The following DRC7 variants were observed in gnomAD, a reference collection of about 807,000 sequenced individuals.
DRC7 encodes the protein dynein regulatory complex subunit 7, also known as coiled-coil domain containing 135.
A neutral mutation model predicts 104.4 loss-of-function variants in DRC7; 80 were observed. The ratio of observed to expected loss-of-function variants is 0.77; its 90% CI spans 0.64 to 0.92. The LOEUF (loss-of-function observed/expected upper bound fraction) is 0.92, where lower values mean the gene tolerates loss of function less well. Among genes scored for constraint, DRC7 ranks in the 40% least tolerant of loss-of-function variants. DRC7 has a pLI of 0.00. For missense variants in DRC7, 1,034 were observed against 1,141.1 expected (o/e 0.91, Z 1.35); for synonymous variants, 405 against 447.3 (o/e 0.91, Z 1.19).
Position 57,718,427 on chromosome 16 carries a change from T to G in DRC7, c.1158T>G (p.Thr386=). The G allele has an allele frequency of 6.2e-7, 1 of 1,614,126 alleles. No individual in the cohort carries two copies. Among genetic ancestry groups the G allele is most frequent in the Non-Finnish European group, 8.5e-7 (1 of 1,179,986 alleles). ...LGTDKSQLSL[T]EEDDSGINDE... ...CTGATAAGTCTCAGCTGTCCTTGAC[T>G]GAAGAAGACGACAGTGGGATAAACG... Residue 386 remains threonine, a synonymous_variant, in exon 9 of 19, where the codon ACT becomes ACG. Transcript: ENST00000360716.
chr16:57,711,077 C>A lies in DRC7; in HGVS notation c.1077+3399C>A, dbSNP rs187550765. ...TGGCATGATTTCCTTTGTACGTTTG[C>A]TGGACTTCACAAGTGAAGCCATCTG... is the stretch of plus-strand genomic sequence containing the variant. On this transcript the variant is annotated intron_variant, in intron 8 of 18. Coordinates refer to ENST00000360716, the MANE Select transcript of DRC7 (RefSeq NM_001289162.2). Among the ~76,000 whole-genome samples the A allele has an allele frequency of 3.9e-5, 6 of 152,260 alleles. No individual in the cohort carries two copies. In the East Asian group the frequency reaches 1.2e-3, roughly 29 times the overall value.
intron 8 of DRC7, among the ~76,000 whole-genome samples, chr16:57,717,556 AG>A (rs1333183178): frequency 2.0e-5 from 3 of 151,908 alleles, no homozygotes; most frequent in Admixed American, 6.6e-5. Context: ...AAAATGAGCC[AG>A]GCATGGTGGC....
chr16:57,725,821 T>G, intron 13 of DRC7: 2 of 500,884 alleles, frequency 4.0e-6, no homozygotes, highest in Non-Finnish European at 7.2e-6. Flanking sequence ...CCCCATCTCT[T>G]GAGGTAGGCA....
chr16:57,714,071 G>A lies in DRC7; in HGVS notation c.1078-4276G>A, dbSNP rs576704554. Reference sequence around the variant, plus strand: ...AAAGCTGTCTCATCTTCCTTTGACCGAGTTATCATGGAGATAACTCAAGTG... The same window carrying A: ...AAAGCTGTCTCATCTTCCTTTGACCAAGTTATCATGGAGATAACTCAAGTG... On this transcript the variant is annotated intron_variant, in intron 8 of 18. Transcript: ENST00000360716. 3.5e-4 allele frequency: 73 copies of A among 210,290 alleles called. 2 individuals carry two copies. In the South Asian group the frequency reaches 5.1e-3, roughly 15 times the overall value. The allele number at this position is 210,290 out of a possible 1,614,324, so 13.0% of individuals were successfully genotyped here.
At position 57,726,116 on chromosome 16, in the gene DRC7, G is replaced by C. The variant is rs754948318; in HGVS notation, c.1807G>C (p.Asp603His). ...FRNPAKPAEE[D>H]VAERVFLVAE... ...CAACCCAGCGAAGCCCGCGGAGGAG[G>C]ACGTGGCAGAGCGCGTGTTTCTGGT... The change falls in exon 14 of 19, where the codon GAC (aspartate) becomes CAC (histidine). Residue 603 changes from aspartate (D) to histidine (H), a missense_variant. Asp to His is a moderately conservative substitution (Grantham distance 81). Coordinates refer to ENST00000360716, the MANE Select transcript of DRC7 (RefSeq NM_001289162.2). 1.1e-5 allele frequency: 17 copies of C among 1,613,214 alleles called. No individual in the cohort carries two copies. The highest frequency in any genetic ancestry group is 1.4e-5 in the Non-Finnish European group (17 of 1,180,036).
At chr16:57,728,335 T>TG in intron 16 of DRC7, 55 bp from the exon 17 acceptor site, 1 of 1,473,270 alleles carries the variant, frequency 6.8e-7, no homozygotes, top group South Asian at 1.3e-5. Context: ...GCAGAGCTGG[T>TG]GGAGAGGTCT....
chr16:57,723,789 A>AT (rs34976140), intron 12 of DRC7, among the ~76,000 whole-genome samples: 16 of 150,252 alleles, frequency 1.1e-4, no homozygotes, highest in South Asian at 8.4e-4. Context: ...AGTAATATAC[A>AT]TTTTTTTTAA....
At position 57,718,026 on chromosome 16, in the gene DRC7, C is replaced by A. The variant is rs116009053; in HGVS notation, c.1078-321C>A. 4.0e-3 allele frequency among the ~76,000 whole-genome samples: 604 copies of A among 152,330 alleles called. 8 individuals are homozygous for A. Among genetic ancestry groups the A allele is most frequent in the African/African-American group, 0.013 (557 of 41,578 alleles). ...GGCTCTAAGCACTGCCCAGCCGATG[C>A]GGAAAGACCTGCACATCCAGGTCTA... On this transcript the variant is annotated intron_variant, in intron 8 of 18. Coordinates refer to ENST00000360716, the MANE Select transcript of DRC7 (RefSeq NM_001289162.2).
At position 57,727,369 on chromosome 16, in the gene DRC7, C is replaced by A. The variant is rs140762606; in HGVS notation, c.2156C>A (p.Thr719Asn). Residue 719 changes from threonine to asparagine, a missense_variant, in exon 16 of 19, where the codon ACC (threonine) becomes AAC (asparagine). Physicochemically the swap from Thr to Asn is moderately conservative, Grantham distance 65. Coordinates refer to ENST00000360716, the MANE Select transcript of DRC7 (RefSeq NM_001289162.2). Reference sequence around the variant, plus strand: ...ACACTGACCATCTCCATCTATGACACCAAGCGGAATGAGAAGAGCAAGGAA... The same window carrying A: ...ACACTGACCATCTCCATCTATGACAACAAGCGGAATGAGAAGAGCAAGGAA... ...AHTLTISIYD[T>N]KRNEKSKEYR... 1,229 of 1,613,432 alleles carry A rather than the reference C, an allele frequency of 7.6e-4. 4 individuals are homozygous for A. The Middle Eastern group carries it at 0.017, about 22-fold the overall frequency.
chr16:57,706,749 C>T (rs542805810), intron 7 of DRC7, among the ~76,000 whole-genome samples: 4 of 145,874 alleles, frequency 2.7e-5, no homozygotes, highest in African/African-American at 1.0e-4. Flanking sequence ...ACCCTCCTAC[C>T]CACTGTTCTC....
intron 14 of DRC7, 105 bp from the exon 15 acceptor site, chr16:57,726,727 C>T (rs1294445337): frequency 7.6e-6 from 5 of 656,284 alleles, no homozygotes; most frequent in East Asian, 2.8e-5. Context: ...GCAACTTGCT[C>T]GAGGTCACAC....
intron 16 of DRC7, 104 bp downstream of exon 16, chr16:57,727,513 G>T (rs1295709164): frequency 1.3e-6 from 1 of 792,784 alleles, no homozygotes; most frequent in Admixed American, 2.0e-5. Flanking sequence ...CTCTGTGGGG[G>T]ATACGGTTAT....
intron 8 of DRC7, chr16:57,714,847 C>A (rs7201144): frequency 0.068 from 15,581 of 229,890 alleles, 1,142 homozygotes; most frequent in East Asian, 0.29. Flanking sequence ...TACTTGCATA[C>A]ATTGCTGGTG....
intron 10 of DRC7, 98 bp downstream of exon 10, chr16:57,721,837 T>C (rs1277580049): frequency 2.4e-6 from 2 of 830,650 alleles, no homozygotes; most frequent in Admixed American, 2.3e-5. Context: ...CAGCAGGGAA[T>C]GCCATGCCCC....
intron 6 of DRC7, 23 bp downstream of exon 6, chr16:57,702,153 C>A: frequency 6.2e-7 from 1 of 1,611,214 alleles, no homozygotes; most frequent in South Asian, 1.1e-5. Context: ...TTGAGCTGCC[C>A]GGGTTTCCCA....
At position 57,731,336 on chromosome 16, in the gene DRC7, A is replaced by G; in HGVS notation, c.*78A>G. 3 of 1,123,284 alleles carry G rather than the reference A, an allele frequency of 2.7e-6. No individual in the cohort carries two copies. Among genetic ancestry groups the G allele is most frequent in the Non-Finnish European group, 4.0e-6 (3 of 754,594 alleles). 69.6% of individuals were successfully genotyped at this position (1,123,284 alleles called of 1,614,324 possible). A position where few individuals can be genotyped will look rare whatever the true frequency, so the allele number is the denominator to read the frequency against. On this transcript the variant is annotated 3_prime_UTR_variant, in exon 19 of 19. Transcript: ENST00000360716. ...GCAGCCTGGCTCCTGTGTTCCCTCT[A>G]TCCAGCCAATGCCTGTTTACACAGA...
intron 8 of DRC7, among the ~76,000 whole-genome samples, chr16:57,708,491 T>C (rs2048757218): frequency 6.6e-6 from 1 of 152,224 alleles, no homozygotes; most frequent in Non-Finnish European, 1.5e-5. Flanking sequence ...CAGAACTTAT[T>C]TGTCCTTTCT....
chr16:57,718,252 C>T (rs2048865323), intron 8 of DRC7, 95 bp from the exon 9 acceptor site: 1 of 1,500,912 alleles, frequency 6.7e-7, no homozygotes, highest in Admixed American at 2.0e-5. Flanking sequence ...GGTCCCTTCT[C>T]TGCCCCGGAG....
At position 57,718,219 on chromosome 16, in the gene DRC7, T is replaced by C. The variant is rs1432408970; in HGVS notation, c.1078-128T>C. 2.5e-6 allele frequency: 3 copies of C among 1,222,276 alleles called. No homozygotes were observed. In the African/African-American group the frequency reaches 4.6e-5, roughly 19 times the overall value. The allele number at this position is 1,222,276 out of a possible 1,614,324, so 75.7% of individuals were successfully genotyped here. Reference sequence around the variant, plus strand: ...TCAGAGCCACCTGGGACTGACGTTCTGCTTCCCCAAGCCCTGGGCCCAGGT... The same window carrying C: ...TCAGAGCCACCTGGGACTGACGTTCCGCTTCCCCAAGCCCTGGGCCCAGGT... On this transcript the variant is annotated intron_variant, in intron 8 of 18. Coordinates refer to ENST00000360716, the MANE Select transcript of DRC7 (RefSeq NM_001289162.2).
Sources: allele counts gnomAD v4.1 joint callset (sites outside exome capture counted in the v4.1 genomes callset), GRCh38; gene constraint gnomAD v4.1.1; transcripts MANE v1.5; gene names NCBI Gene and HGNC (gene_info 2026-07-23, HGNC 2026-07-21).